Variants in AP3S1 observed in about 807,000 individuals in gnomAD.
The protein encoded by AP3S1 is adaptor related protein complex 3 subunit sigma 1, also known as AP-3 complex subunit sigma-1.
AP3S1 carries 12 observed loss-of-function variants against 21.3 expected under a neutral mutation model. The observed-to-expected ratio is 0.56, with a 90% CI of 0.36 to 0.91. The LOEUF is 0.91. Ranked by LOEUF, AP3S1 falls within the 40% of genes least tolerant of loss-of-function variation. The pLI is 0.01. For synonymous variants in AP3S1, 48 were observed against 78.4 expected (o/e 0.61, Z 2.05); for missense variants, 116 against 225.0 (o/e 0.52, Z 3.10).
At chr5:115,884,380 A>G (rs569172389) in intron 3 of AP3S1, among the ~76,000 whole-genome samples, 3 of 152,330 alleles carry the variant, frequency 2.0e-5, no homozygotes, top group Admixed American at 2.0e-4. Context: ...CCTGGCCAAC[A>G]TGGTGAAACC....
At chr5:115,856,507 G>T (rs1762812890) in intron 1 of AP3S1, among the ~76,000 whole-genome samples, 1 of 151,656 alleles carries the variant, frequency 6.6e-6, no homozygotes, top group Non-Finnish European at 1.5e-5. Context: ...CAGGCTGATG[G>T]GCAGTGGTGT....
At chr5:115,903,222 G>A in intron 5 of AP3S1, 5 of 319,200 alleles carry the variant, frequency 1.6e-5, no homozygotes, top group South Asian at 8.0e-5. Context: ...AGCTGCCTTG[G>A]GTAATAAGCA....
At chr5:115,846,950 C>T (rs1176337731) in intron 1 of AP3S1, among the ~76,000 whole-genome samples, 2 of 152,114 alleles carry the variant, frequency 1.3e-5, no homozygotes, top group African/African-American at 2.4e-5. Flanking sequence ...AGTAGTAGAC[C>T]GATTCCAAAA....
chr5:115,878,425 C>T (rs946393463), intron 3 of AP3S1, among the ~76,000 whole-genome samples: 12 of 132,932 alleles, frequency 9.0e-5, no homozygotes, highest in Non-Finnish European at 1.8e-4. Flanking sequence ...ATATGGCTAG[C>T]CAGTTTTCCC....
At chr5:115,880,014 C>A (rs1296953092) in intron 3 of AP3S1, among the ~76,000 whole-genome samples, 1 of 152,126 alleles carries the variant, frequency 6.6e-6, no homozygotes, top group Non-Finnish European at 1.5e-5. Context: ...ATAGTATTCT[C>A]TGATGGTAGT....
chr5:115,846,957 A>T (rs957059587), intron 1 of AP3S1, among the ~76,000 whole-genome samples: 23 of 152,348 alleles, frequency 1.5e-4, no homozygotes, highest in African/African-American at 5.5e-4. Context: ...GACCGATTCC[A>T]AAAGTATTTG....
At chr5:115,904,571 A>G (rs916415822) in intron 5 of AP3S1, among the ~76,000 whole-genome samples, 1 of 152,200 alleles carries the variant, frequency 6.6e-6, no homozygotes, top group Non-Finnish European at 1.5e-5. Context: ...AACTAACTAT[A>G]TGTTTTGTTT....
At chr5:115,901,148 ATTCT>A (rs1751171566) in intron 4 of AP3S1, among the ~76,000 whole-genome samples, 1 of 151,974 alleles carries the variant, frequency 6.6e-6, no homozygotes, top group Non-Finnish European at 1.5e-5. Flanking sequence ...CTAACTTTCA[ATTCT>A]TTATTTTCTT....
intron 3 of AP3S1, among the ~76,000 whole-genome samples, chr5:115,884,192 T>C (rs1749561256): frequency 6.6e-6 from 1 of 152,232 alleles, no homozygotes; most frequent in African/African-American, 2.4e-5. Context: ...ATGTTTTATT[T>C]TTATGCTCAT....
chr5:115,903,100 C>T (rs1751356412), intron 5 of AP3S1, 108 bp downstream of exon 5: 5 of 777,250 alleles, frequency 6.4e-6, no homozygotes, highest in East Asian at 2.9e-5. Context: ...TTAGGTTCAG[C>T]CGTTATGCTT....
At chr5:115,865,407 C>G (rs1229304891) in intron 1 of AP3S1, among the ~76,000 whole-genome samples, 1 of 152,138 alleles carries the variant, frequency 6.6e-6, no homozygotes, top group Non-Finnish European at 1.5e-5. Flanking sequence ...CTAACTGCCA[C>G]ATTGTTCAAG....
intron 5 of AP3S1, chr5:115,908,941 G>T (rs1482467234): frequency 1.0e-6 from 1 of 963,260 alleles, no homozygotes; most frequent in Non-Finnish European, 1.2e-6. Flanking sequence ...ATTTAATATT[G>T]TGTTTATTAA....
intron 5 of AP3S1, chr5:115,904,167 A>T (rs777700810): frequency 3.9e-5 from 6 of 152,266 alleles, no homozygotes; most frequent in Non-Finnish European, 8.8e-5. Flanking sequence ...TTGCAGTCAT[A>T]ACTCAGATTG....
At chr5:115,906,801 T>C (rs1257393701) in intron 5 of AP3S1, 4 of 1,495,280 alleles carry the variant, frequency 2.7e-6, no homozygotes, top group East Asian at 2.5e-5. Context: ...TCTAGCTCTT[T>C]CCATTCTTCT....
Position 115,881,389 on chromosome 5 carries a change from G to C in AP3S1, c.273+11261G>C, listed in dbSNP as rs1375567552. Among the ~76,000 whole-genome samples the C allele has an allele frequency of 3.9e-5, 6 of 152,252 alleles. No homozygotes were observed. The South Asian group carries it at 1.0e-3, about 26-fold the overall frequency. On this transcript the variant is annotated intron_variant, in intron 3 of 5. Coordinates refer to ENST00000316788, the MANE Select transcript of AP3S1 (RefSeq NM_001284.4). ...TCCTTCAGGAGCTCTTGTAAGGCAG[G>C]CCTGGTGGTGACAAAATCTCTCAGC...
At position 115,898,445 on chromosome 5, in the gene AP3S1, C is replaced by G. The variant is rs182395257; in HGVS notation, c.345+3287C>G. On this transcript the variant is annotated intron_variant, in intron 4 of 5. Coordinates refer to ENST00000316788, the MANE Select transcript of AP3S1 (RefSeq NM_001284.4). ...GTAGTGGGACAGACCCACCCCTACT[C>G]ACAATTGGTTTGGATGTAGAGACTA... 3.2e-4 allele frequency among the ~76,000 whole-genome samples: 49 copies of G among 152,310 alleles called. No individual in the cohort carries two copies. In the East Asian group the frequency reaches 8.7e-3, roughly 27 times the overall value.
At chr5:115,847,987 A>G (rs1238761846) in intron 1 of AP3S1, among the ~76,000 whole-genome samples, 1 of 152,224 alleles carries the variant, frequency 6.6e-6, no homozygotes, top group East Asian at 1.9e-4. Context: ...CTTTTTAAAA[A>G]TTAAGACTAA....
At chr5:115,887,255 T>C (rs1749871712) in intron 3 of AP3S1, among the ~76,000 whole-genome samples, 1 of 152,164 alleles carries the variant, frequency 6.6e-6, no homozygotes, top group Non-Finnish European at 1.5e-5. Context: ...AACATCTTGC[T>C]GGTGATAAAA....
At chr5:115,902,375 A>G (rs1309130161) in intron 4 of AP3S1, among the ~76,000 whole-genome samples, 1 of 152,124 alleles carries the variant, frequency 6.6e-6, no homozygotes, top group Non-Finnish European at 1.5e-5. Context: ...TAAAAACACT[A>G]TTAAAGTACC....
Sources: allele counts gnomAD v4.1 joint callset (sites outside exome capture counted in the v4.1 genomes callset), GRCh38; gene constraint gnomAD v4.1.1; transcripts MANE v1.5; gene names NCBI Gene and HGNC (gene_info 2026-07-23, HGNC 2026-07-21).